BMP4: variants seen among roughly 807,000 people sequenced by gnomAD.
BMP4 encodes the protein bone morphogenetic protein 4, also known as bone morphogenetic protein 2B.
Under a neutral mutation model 29.6 loss-of-function variants are expected in BMP4, and 3 were observed. The ratio of observed to expected loss-of-function variants is 0.10; its 90% CI spans 0.05 to 0.26. The LOEUF is 0.26. BMP4 is among the 10% of genes least tolerant of loss of function. The pLI is 1.00. For missense variants in BMP4, 455 were observed against 550.2 expected (o/e 0.83, Z 1.73); for synonymous variants, 197 against 213.2 (o/e 0.92, Z 0.66).
intron 3 of BMP4, 185 bp downstream of exon 3, chr14:53,951,668 C>T: frequency 1.1e-6 from 1 of 910,736 alleles, no homozygotes. Flanking sequence ...GAACACCTCC[C>T]CCTCTGTCTC....
In BMP4 at chr14:53,949,927, C is replaced by G; in HGVS notation, c.*105G>C. On this transcript the variant is annotated 3_prime_UTR_variant, in exon 4 of 4. Transcript: ENST00000245451. ...AAATAAAAGTCCAGCTATAAGGAAG[C>G]AGTCTGTGTAGTGTGTGGGTGAGTG... is the stretch of plus-strand genomic sequence containing the variant. 1.8e-6 allele frequency: 2 copies of G among 1,110,640 alleles called. No homozygotes were observed. The highest frequency in any genetic ancestry group is 2.6e-5 in the East Asian group (1 of 38,558). The allele number at this position is 1,110,640 out of a possible 1,614,324, so 68.8% of individuals were successfully genotyped here. A position where few individuals can be genotyped will look rare whatever the true frequency, so the allele number is the denominator to read the frequency against.
At chr14:53,952,830 G>A (rs1895516500) in intron 2 of BMP4, among the ~76,000 whole-genome samples, 1 of 152,164 alleles carries the variant, frequency 6.6e-6, no homozygotes, top group African/African-American at 2.4e-5. Flanking sequence ...TGTGGCCGAT[G>A]AGTTTGAAAT....
At position 53,951,959 on chromosome 14, in the gene BMP4, C is replaced by T. The variant is rs147931520; in HGVS notation, c.264G>A (p.Arg88=). Residue 88 remains arginine (R), a synonymous_variant, in exon 3 of 4, where the codon CGG becomes CGA. Transcript: ENST00000245451. ...VIPDYMRDLY[R]LQSGEEEEEQ... is the part of the protein sequence containing the mutation. ...CTTCCTCCTCCTCCCCAGACTGAAGCCGGTAAAGATCCCGCATGTAGTCCG... is the reference window on the plus strand; with the variant it reads ...CTTCCTCCTCCTCCCCAGACTGAAGTCGGTAAAGATCCCGCATGTAGTCCG... 12 of 1,611,020 alleles carry T rather than the reference C, an allele frequency of 7.4e-6. No homozygotes were observed. Among genetic ancestry groups the T allele is most frequent in the Non-Finnish European group, 1.0e-5 (12 of 1,180,010 alleles).
chr14:53,954,372 G>A lies in BMP4; in HGVS notation c.-132-972C>T, dbSNP rs1247710683. The A allele has an allele frequency of 2.6e-5, 4 of 152,102 alleles. No individual in the cohort carries two copies. The highest frequency in any genetic ancestry group is 5.9e-5 in the Non-Finnish European group (4 of 68,028). 9.4% of individuals were successfully genotyped at this position (152,102 alleles called of 1,614,324 possible). ...CGCATCACAGTTTTCAGATCTTAAT[G>A]TGGCCGAGGTTTTACAACTCCCGAC... On this transcript the variant is annotated intron_variant, in intron 1 of 3. Coordinates refer to ENST00000245451, the MANE Select transcript of BMP4 (RefSeq NM_001202.6). This position sits in a 1 kb window ranked among gnomAD's most constrained non-coding sequence, Gnocchi z 4.8.
chr14:53,954,165 G>A lies in BMP4; in HGVS notation c.-132-765C>T, dbSNP rs926042269. ...GGGTGATCGCTGTGGGAAAGTGAGA[G>A]GGAGCGGCTGTTAGTCATTGCTCCG... On this transcript the variant is annotated intron_variant, in intron 1 of 3. Transcript: ENST00000245451. The surrounding 1 kb of genome is among the most constrained non-coding windows in gnomAD (Gnocchi z 4.8). Among the ~76,000 whole-genome samples the A allele has an allele frequency of 1.3e-5, 2 of 152,098 alleles. No individual in the cohort carries two copies. The highest frequency in any genetic ancestry group is 4.8e-5 in the African/African-American group (2 of 41,428).
At chr14:53,953,490 CCCTCCCGCGG>C in intron 1 of BMP4, 90 bp from the exon 2 acceptor site, 1 of 396,762 alleles carries the variant, frequency 2.5e-6, no homozygotes, top group Non-Finnish European at 4.4e-6. Flanking sequence ...GCGCCGAGGC[CCCTCCCGCGG>C]CAGGCGGCGA....
In BMP4 at chr14:53,952,135, T is replaced by C. The variant is rs759558138; in HGVS notation, c.88A>G (p.Thr30Ala). The stretch of plus-strand genomic sequence containing the variant: ...ATCTCGGCGACTTTTTTCTTCCCCG[T>C]CTCAGGTATCAAACTAGCATGGCTC... ...GASHASLIPE[T>A]GKKKVAEIQG... Residue 30 changes from threonine to alanine, a missense_variant, in exon 3 of 4, where the codon ACG becomes GCG. By Grantham distance (58) the Thr-to-Ala change is moderately conservative. Coordinates refer to ENST00000245451, the MANE Select transcript of BMP4 (RefSeq NM_001202.6). 23 of 1,613,684 alleles carry C rather than the reference T, an allele frequency of 1.4e-5. No homozygotes were observed. In the African/African-American group the frequency reaches 2.7e-4, roughly 19 times the overall value.
Position 53,951,849 on chromosome 14 carries a change from T to A in BMP4, c.370+4A>T. ...CCCCACGCAGACTGGGGGAAGAGAC[T>A]GACCTTCGTGGTGGAAGCTCCTCAC... On this transcript the variant is annotated splice_donor_region_variant and intron_variant, in intron 3 of 3. Coordinates refer to ENST00000245451, the MANE Select transcript of BMP4 (RefSeq NM_001202.6). 1 of 1,599,180 alleles carries A rather than the reference T, an allele frequency of 6.3e-7. No homozygotes were observed. Among genetic ancestry groups the A allele is most frequent in the South Asian group, 1.1e-5 (1 of 91,054 alleles).
At chr14:53,952,308 T>G in intron 2 of BMP4, 79 bp from the exon 3 acceptor site, 1 of 1,527,270 alleles carries the variant, frequency 6.5e-7, no homozygotes, top group African/African-American at 1.4e-5. Context: ...TGTGTCTGCA[T>G]ATGCATTTAG....
At position 53,950,947 on chromosome 14, in the gene BMP4, G is replaced by T; in HGVS notation, c.371-59C>A. ...AAGCATATGAACTTTTTTCAAAGAT[G>T]GAAGAGTCAAGAGATAGCTCAGGGT... On this transcript the variant is annotated intron_variant, in intron 3 of 3. Transcript: ENST00000245451. This position sits in a 1 kb window ranked among gnomAD's most constrained non-coding sequence, Gnocchi z 5.4. 3 of 1,593,224 alleles carry T rather than the reference G, an allele frequency of 1.9e-6. No individual in the cohort carries two copies. The highest frequency in any genetic ancestry group is 2.6e-6 in the Non-Finnish European group (3 of 1,175,806).
intron 2 of BMP4, among the ~76,000 whole-genome samples, chr14:53,952,640 C>G (rs531612972): frequency 5.3e-5 from 8 of 152,188 alleles, no homozygotes; most frequent in Non-Finnish European, 8.8e-5. Flanking sequence ...CACTTTAGAC[C>G]TTCAGCTTCT....
Position 53,949,917 on chromosome 14 carries a change from T to A in BMP4, c.*115A>T. The A allele has an allele frequency of 8.1e-6, 8 of 986,944 alleles. No homozygotes were observed. The highest frequency in any genetic ancestry group is 1.7e-5 in the African/African-American group (1 of 58,984). 61.1% of individuals were successfully genotyped at this position (986,944 alleles called of 1,614,324 possible). The stretch of plus-strand genomic sequence containing the variant: ...TTTTTTTTTTAAATAAAAGTCCAGC[T>A]ATAAGGAAGCAGTCTGTGTAGTGTG... On this transcript the variant is annotated 3_prime_UTR_variant, in exon 4 of 4. Coordinates refer to ENST00000245451, the MANE Select transcript of BMP4 (RefSeq NM_001202.6).
chr14:53,951,779 T>G, intron 3 of BMP4, 74 bp downstream of exon 3: 1 of 1,566,294 alleles, frequency 6.4e-7, no homozygotes, highest in Non-Finnish European at 8.6e-7. Context: ...GAACTCTTCT[T>G]CCCCAGGGCT....
chr14:53,952,099 C>A lies in BMP4; in HGVS notation c.124G>T (p.Ala42Ser), dbSNP rs140920120. ...KKKVAEIQGHAGGRRSGQSHE... is the reference protein window; with the variant it reads ...KKKVAEIQGHSGGRRSGQSHE... The stretch of plus-strand genomic sequence containing the variant: ...CTCTGCCCTGAGCGGCGTCCTCCCG[C>A]GTGGCCCTGAATCTCGGCGACTTTT... The change falls in exon 3 of 4, where the codon GCG becomes TCG. Residue 42 changes from alanine to serine, a missense_variant. Transcript: ENST00000245451. 1.2e-6 allele frequency: 2 copies of A among 1,613,862 alleles called. No individual in the cohort carries two copies. Among genetic ancestry groups the A allele is most frequent in the African/African-American group, 2.7e-5 (2 of 75,046 alleles).
In BMP4 at chr14:53,954,769, G is replaced by T. The variant is rs1384027741; in HGVS notation, c.-132-1369C>A. On this transcript the variant is annotated intron_variant, in intron 1 of 3. Transcript: ENST00000245451. The surrounding 1 kb of genome is among the most constrained non-coding windows in gnomAD (Gnocchi z 4.8). Reference sequence around the variant, plus strand: ...GGGCCGGGAGCGCCAGGTCGTCCCCGGGGCCCGGGCCCCATGACTCCTGCC... The same window carrying T: ...GGGCCGGGAGCGCCAGGTCGTCCCCTGGGCCCGGGCCCCATGACTCCTGCC... Among the ~76,000 whole-genome samples the T allele has an allele frequency of 3.3e-5, 5 of 152,188 alleles. No individual in the cohort carries two copies. The highest frequency in any genetic ancestry group is 3.3e-4 in the Admixed American group (5 of 15,296).
At chr14:53,951,629 C>G in intron 3 of BMP4, 1 of 659,834 alleles carries the variant, frequency 1.5e-6, no homozygotes, top group Non-Finnish European at 2.5e-6. Flanking sequence ...GGCTAGCCCA[C>G]GTCTGAGTGC....
At position 53,955,343 on chromosome 14, in the gene BMP4, A is replaced by G. The variant is rs1425552818; in HGVS notation, c.-133+1207T>C. On this transcript the variant is annotated intron_variant, in intron 1 of 3. Coordinates refer to ENST00000245451, the MANE Select transcript of BMP4 (RefSeq NM_001202.6). This position sits in a 1 kb window ranked among gnomAD's most constrained non-coding sequence, Gnocchi z 4.0. ...TCCTGGGGCGGGAGAGCGCGGTTCT[A>G]AAACCGAGAGGATAGGAAGGGGAAG... The G allele has an allele frequency of 6.6e-6, 1 of 152,240 alleles. No individual in the cohort carries two copies. Among genetic ancestry groups the G allele is most frequent in the Non-Finnish European group, 1.5e-5 (1 of 68,060 alleles). The allele number at this position is 152,240 out of a possible 1,614,324, so 9.4% of individuals were successfully genotyped here.
At position 53,949,931 on chromosome 14, in the gene BMP4, C is replaced by A; in HGVS notation, c.*101G>T. 2 of 1,085,132 alleles carry A rather than the reference C, an allele frequency of 1.8e-6. No homozygotes were observed. The highest frequency in any genetic ancestry group is 2.7e-6 in the Non-Finnish European group (2 of 745,672). The allele number at this position is 1,085,132 out of a possible 1,614,324, so 67.2% of individuals were successfully genotyped here. On this transcript the variant is annotated 3_prime_UTR_variant, in exon 4 of 4. Transcript: ENST00000245451. The stretch of plus-strand genomic sequence containing the variant: ...AAAAGTCCAGCTATAAGGAAGCAGT[C>A]TGTGTAGTGTGTGGGTGAGTGGATG...
At chr14:53,953,048 T>C (rs1417280570) in intron 2 of BMP4, among the ~76,000 whole-genome samples, 1 of 152,074 alleles carries the variant, frequency 6.6e-6, no homozygotes, top group African/African-American at 2.4e-5. Flanking sequence ...TCCCTCGCGC[T>C]CCCCTTTCTT....
Sources: gnomAD v4.1 joint callset for allele counts (sites outside exome capture counted in the v4.1 genomes callset) on GRCh38, gnomAD v4.1.1 for gene constraint, Gnocchi (gnomAD v3.1) non-coding constraint, MANE v1.5 for transcripts, NCBI Gene and HGNC (gene_info 2026-07-23, HGNC 2026-07-21) for gene names.